CALN1: variants seen among roughly 807,000 people sequenced by gnomAD.
CALN1 encodes the protein calneuron 1, also known as calcium-binding protein 8.
A neutral mutation model predicts 30.6 loss-of-function variants in CALN1; 17 were observed. The observed-to-expected ratio is 0.56, with a 90% CI of 0.38 to 0.83. The LOEUF is 0.83. Among genes scored for constraint, CALN1 ranks in the 40% least tolerant of loss-of-function variants. The probability of loss-of-function intolerance (pLI) is 0.00; values close to 1 mark genes in which losing one functional copy is unlikely to be tolerated. For synonymous variants in CALN1, 156 were observed against 131.4 expected (o/e 1.19, Z -1.28); for missense variants, 291 against 354.9 (o/e 0.82, Z 1.45).
intron 4 of CALN1, among the ~76,000 whole-genome samples, chr7:72,051,878 A>G (rs1195426979): frequency 6.6e-6 from 1 of 152,214 alleles, no homozygotes; most frequent in Non-Finnish European, 1.5e-5. Flanking sequence ...AACAAGGACA[A>G]GAATAATCCT....
intron 5 of CALN1, among the ~76,000 whole-genome samples, chr7:71,958,070 A>C (rs1214048037): frequency 1.3e-5 from 2 of 149,720 alleles, no homozygotes. Context: ...CATCTCAAAA[A>C]AAAAAAAAAA....
chr7:72,229,403 A>G (rs1793923942), intron 3 of CALN1, among the ~76,000 whole-genome samples: 1 of 151,948 alleles, frequency 6.6e-6, no homozygotes, highest in African/African-American at 2.4e-5. Context: ...AGGATCGCTT[A>G]CCATTTGACC....
chr7:72,377,278 T>C (rs907259739), intron 2 of CALN1, among the ~76,000 whole-genome samples: 2 of 152,286 alleles, frequency 1.3e-5, no homozygotes, highest in Middle Eastern at 3.4e-3. Context: ...GGGACTCTTG[T>C]CTTTAGCTTT....
intron 1 of CALN1, among the ~76,000 whole-genome samples, chr7:72,429,009 C>A (rs967976547): frequency 2.0e-5 from 3 of 152,164 alleles, no homozygotes; most frequent in African/African-American, 7.2e-5. Flanking sequence ...GACATTTCAG[C>A]TGCTGTCCGG....
At chr7:72,346,578 C>A (rs140177614) in intron 2 of CALN1, among the ~76,000 whole-genome samples, 1 of 152,024 alleles carries the variant, frequency 6.6e-6, no homozygotes, top group Admixed American at 6.6e-5. Context: ...TCCAGTGGCA[C>A]GATCTCGGCT....
At chr7:72,325,528 G>C (rs1050398900) in intron 2 of CALN1, among the ~76,000 whole-genome samples, 4 of 152,116 alleles carry the variant, frequency 2.6e-5, no homozygotes, top group Non-Finnish European at 5.9e-5. Context: ...TTGAACCCAG[G>C]AGGCAGAGGT....
chr7:72,111,378 A>T (rs565300800), intron 3 of CALN1, among the ~76,000 whole-genome samples: 1 of 152,250 alleles, frequency 6.6e-6, no homozygotes, highest in Non-Finnish European at 1.5e-5. Context: ...AAAGGGAAGC[A>T]GAGAGTCTTG....
intron 2 of CALN1, among the ~76,000 whole-genome samples, chr7:72,371,381 C>G (rs968625689): frequency 2.0e-5 from 3 of 152,038 alleles, no homozygotes; most frequent in African/African-American, 7.3e-5. Context: ...TGGAAGAGAC[C>G]AGGTGGGAGG....
intron 5 of CALN1, among the ~76,000 whole-genome samples, chr7:71,939,513 C>T (rs139254752): frequency 0.01 from 1,535 of 150,158 alleles, 19 homozygotes; most frequent in African/African-American, 0.036. Context: ...GCAGAGGTTG[C>T]AGCAAGCCAA....
intron 5 of CALN1, among the ~76,000 whole-genome samples, chr7:71,868,719 C>T (rs1381441248): frequency 6.6e-6 from 1 of 152,056 alleles, no homozygotes; most frequent in Non-Finnish European, 1.5e-5. Flanking sequence ...GGGCCACCCC[C>T]ATGATCCAGT....
chr7:72,182,262 G>C (rs1348669594), intron 3 of CALN1, among the ~76,000 whole-genome samples: 2 of 151,952 alleles, frequency 1.3e-5, no homozygotes, highest in Admixed American at 1.3e-4. Context: ...GATCAAGTGT[G>C]TCATGCTCTG....
upstream of CALN1, among the ~76,000 whole-genome samples, chr7:72,413,444 A>G (rs1020215919): frequency 6.6e-6 from 1 of 152,006 alleles, no homozygotes; most frequent in Non-Finnish European, 1.5e-5. Context: ...ATAGACTCAC[A>G]TACCACACAT....
chr7:72,025,039 G>A (rs148743551), intron 4 of CALN1, among the ~76,000 whole-genome samples: 9,152 of 152,156 alleles, frequency 0.06, 300 homozygotes, highest in Non-Finnish European at 0.075. Context: ...GGCCAGGTGC[G>A]GTGGCTCATG....
intron 3 of CALN1, among the ~76,000 whole-genome samples, chr7:72,227,571 A>G (rs1356831222): frequency 6.6e-6 from 1 of 150,788 alleles, no homozygotes; most frequent in African/African-American, 2.5e-5. Context: ...AAAAAGAAAA[A>G]AGGTGGTAAC....
intron 5 of CALN1, among the ~76,000 whole-genome samples, chr7:71,989,581 G>T (rs556261268): frequency 6.6e-6 from 1 of 152,242 alleles, no homozygotes; most frequent in Non-Finnish European, 1.5e-5. Flanking sequence ...GCCACAAGAA[G>T]ACAAACAGCC....
chr7:72,247,923 G>C (rs1267158363), intron 3 of CALN1, among the ~76,000 whole-genome samples: 2 of 151,660 alleles, frequency 1.3e-5, no homozygotes, highest in Non-Finnish European at 2.9e-5. Flanking sequence ...GCTTGAGCCG[G>C]GAGTTCCAGG....
the CALN1 span, among the ~76,000 whole-genome samples, chr7:72,478,211 C>T: frequency 1.3e-5 from 2 of 149,638 alleles, no homozygotes; most frequent in Non-Finnish European, 3.0e-5. Flanking sequence ...CTTGTCTCTA[C>T]AAAATATACA....
intron 4 of CALN1, among the ~76,000 whole-genome samples, chr7:72,097,795 C>T (rs1048333153): frequency 6.6e-6 from 1 of 152,048 alleles, no homozygotes; most frequent in Admixed American, 6.6e-5. Flanking sequence ...CTCACCGCAA[C>T]CTCTGACTCC....
intron 5 of CALN1, among the ~76,000 whole-genome samples, chr7:71,831,109 C>T (rs1789249310): frequency 6.6e-6 from 1 of 152,138 alleles, no homozygotes; most frequent in African/African-American, 2.4e-5. Flanking sequence ...CTGCCACTAA[C>T]TAGTTGCGTA....
Sources: allele counts gnomAD v4.1 joint callset (sites outside exome capture counted in the v4.1 genomes callset), GRCh38; gene constraint gnomAD v4.1.1; transcripts MANE v1.5; gene names NCBI Gene and HGNC (gene_info 2026-07-23, HGNC 2026-07-21).